Variants in CYTH1 observed in about 807,000 individuals in gnomAD.
CYTH1 encodes the protein cytohesin-1.
CYTH1 carries 18 observed loss-of-function variants against 61.8 expected under a neutral mutation model. That is an observed-to-expected ratio of 0.29 (90% confidence interval 0.20 to 0.43). The LOEUF (loss-of-function observed/expected upper bound fraction) is 0.43, where lower values mean the gene tolerates loss of function less well. CYTH1 is among the 20% of genes least tolerant of loss of function. The pLI is 1.00. For missense variants in CYTH1, 336 were observed against 510.5 expected (o/e 0.66, Z 3.29); for synonymous variants, 174 against 184.3 (o/e 0.94, Z 0.45).
intron 1 of CYTH1, among the ~76,000 whole-genome samples, chr17:78,756,079 A>AT (rs143186254): frequency 0.49 from 67,142 of 138,056 alleles, 16,548 homozygotes; most frequent in Non-Finnish European, 0.54. Flanking sequence ...ATTTATTTTT[A>AT]TTTTTTTTTT....
rs1234596010 is a variant in CYTH1, at chr17:78,760,511, A to C, written c.22+21691T>G. ...TATATATATATACATATATATGTAT[A>C]TATATGTATATATATATATACATAC... On this transcript the variant is annotated intron_variant, in intron 1 of 13. Coordinates refer to ENST00000446868, the MANE Select transcript of CYTH1 (RefSeq NM_004762.6). Among the ~76,000 whole-genome samples the C allele has an allele frequency of 4.2e-4, 21 of 50,476 alleles. 1 individual carries two copies. The highest frequency in any genetic ancestry group is 1.1e-3 in the South Asian group (2 of 1,778). The allele number at this position is 50,476 out of a possible 152,430, so 33.1% of individuals were successfully genotyped here. A position where few individuals can be genotyped will look rare whatever the true frequency, so the allele number is the denominator to read the frequency against.
chr17:78,744,239 A>G (rs1228003282), intron 1 of CYTH1, among the ~76,000 whole-genome samples: 2 of 152,148 alleles, frequency 1.3e-5, no homozygotes, highest in African/African-American at 4.8e-5. Flanking sequence ...TGGAGAGGAG[A>G]CCTGGAAATC....
At chr17:78,747,476 A>T (rs528587690) in intron 1 of CYTH1, among the ~76,000 whole-genome samples, 1 of 152,222 alleles carries the variant, frequency 6.6e-6, no homozygotes, top group South Asian at 2.1e-4. Context: ...CTATTCAGTG[A>T]TTTTAGCATG....
intron 1 of CYTH1, among the ~76,000 whole-genome samples, chr17:78,733,486 T>C (rs533902890): frequency 1.3e-5 from 2 of 152,284 alleles, no homozygotes; most frequent in African/African-American, 4.8e-5. Flanking sequence ...AATACACAGA[T>C]TCACTTCAGC....
chr17:78,770,663 T>G (rs547399090), intron 1 of CYTH1, among the ~76,000 whole-genome samples: 3 of 152,238 alleles, frequency 2.0e-5, no homozygotes, highest in African/African-American at 7.2e-5. Flanking sequence ...GTGATCCGCC[T>G]GCCTCGGCCT....
chr17:78,740,544 A>G (rs902181548), intron 1 of CYTH1, among the ~76,000 whole-genome samples: 61 of 152,222 alleles, frequency 4.0e-4, no homozygotes, highest in African/African-American at 1.3e-3. Flanking sequence ...GAAGCATGGC[A>G]AGGCATACCT....
In CYTH1 at chr17:78,675,732, G is replaced by T; in HGVS notation, c.*359C>A. 1 of 590,164 alleles carries T rather than the reference G, an allele frequency of 1.7e-6. No homozygotes were observed. The highest frequency in any genetic ancestry group is 2.8e-6 in the Non-Finnish European group (1 of 354,158). The allele number at this position is 590,164 out of a possible 1,614,324, so 36.6% of individuals were successfully genotyped here. The stretch of plus-strand genomic sequence containing the variant: ...TATGGACACATGTATTTATGGTGCA[G>T]GGTTTGAAGGCTTCTTCACGGGGAC... On this transcript the variant is annotated 3_prime_UTR_variant, in exon 14 of 14. Coordinates refer to ENST00000446868, the MANE Select transcript of CYTH1 (RefSeq NM_004762.6).
intron 1 of CYTH1, among the ~76,000 whole-genome samples, chr17:78,740,309 C>A (rs762258003): frequency 9.9e-5 from 15 of 152,176 alleles, no homozygotes; most frequent in Non-Finnish European, 1.9e-4. Flanking sequence ...GCCTTAAAGG[C>A]CCCATCATTC....
chr17:78,779,461 C>T (rs952890923), intron 1 of CYTH1, among the ~76,000 whole-genome samples: 18 of 151,110 alleles, frequency 1.2e-4, no homozygotes, highest in African/African-American at 4.1e-4. Context: ...TTCTCATCTT[C>T]GTGTGTGGCA....
chr17:78,732,068 G>A (rs768903145), intron 1 of CYTH1, among the ~76,000 whole-genome samples: 1 of 152,130 alleles, frequency 6.6e-6, no homozygotes, highest in Non-Finnish European at 1.5e-5. Flanking sequence ...GTTTCCTAGG[G>A]CCACTCCTGC....
chr17:78,741,768 G>A (rs974184983), intron 1 of CYTH1, among the ~76,000 whole-genome samples: 4 of 152,148 alleles, frequency 2.6e-5, no homozygotes, highest in African/African-American at 4.8e-5. Flanking sequence ...TCACCCTTGC[G>A]TCTCCTGGTC....
chr17:78,702,442 C>A, intron 4 of CYTH1, 96 bp downstream of exon 4: 1 of 1,348,464 alleles, frequency 7.4e-7, no homozygotes, highest in Non-Finnish European at 1.0e-6. Flanking sequence ...GCAACATGAA[C>A]TGTAACGCTT....
In CYTH1 at chr17:78,676,076, C is replaced by T; in HGVS notation, c.*15G>A. On this transcript the variant is annotated 3_prime_UTR_variant, in exon 14 of 14. Transcript: ENST00000446868. Reference sequence around the variant, plus strand: ...GCTCCAAGGCCCCCGCAGACCAACGCCCTTGGCTGCACGCTCAGTGTCGCT... The same window carrying T: ...GCTCCAAGGCCCCCGCAGACCAACGTCCTTGGCTGCACGCTCAGTGTCGCT... 6.2e-7 allele frequency: 1 copy of T among 1,601,290 alleles called. No individual in the cohort carries two copies.
At chr17:78,732,298 C>G (rs2093299290) in intron 1 of CYTH1, among the ~76,000 whole-genome samples, 1 of 152,224 alleles carries the variant, frequency 6.6e-6, no homozygotes, top group Non-Finnish European at 1.5e-5. Context: ...TGATCCCCCA[C>G]AGCCAGTCCT....
At chr17:78,779,934 C>T (rs1228124351) in intron 1 of CYTH1, among the ~76,000 whole-genome samples, 1 of 152,236 alleles carries the variant, frequency 6.6e-6, no homozygotes, top group Non-Finnish European at 1.5e-5. Flanking sequence ...CCTGCTTCCA[C>T]TTACCTCTTT....
At position 78,720,430 on chromosome 17, in the gene CYTH1, T is replaced by G. The variant is rs141045862; in HGVS notation, c.23-10698A>C. On this transcript the variant is annotated intron_variant, in intron 1 of 13. Transcript: ENST00000446868. ...GCCTCCTGGGTTCATGCAATTCTCCTGCCTCAGCCTCCCCAATAGATAGGA... is the reference window on the plus strand; with the variant it reads ...GCCTCCTGGGTTCATGCAATTCTCCGGCCTCAGCCTCCCCAATAGATAGGA... Among the ~76,000 whole-genome samples the G allele has an allele frequency of 3.9e-3, 590 of 152,300 alleles. 3 individuals carry two copies. Among genetic ancestry groups the G allele is most frequent in the African/African-American group, 0.013 (554 of 41,576 alleles).
At chr17:78,687,538 T>C (rs1022832875) in intron 11 of CYTH1, among the ~76,000 whole-genome samples, 3 of 152,242 alleles carry the variant, frequency 2.0e-5, no homozygotes, top group African/African-American at 7.2e-5. Context: ...GATCCATTCC[T>C]TTCCAGTTCA....
At position 78,680,272 on chromosome 17, in the gene CYTH1, G is replaced by T. The variant is rs1210444438; in HGVS notation, c.1036C>A (p.Arg346=). The change falls in exon 13 of 14, where the codon CGG becomes AGG. Residue 346 remains arginine (R), a synonymous_variant. Transcript: ENST00000446868. ...IKACKTEADG[R]VVEGNHTVYR... ...ACAGTGTGGTTCCCCTCCACCACCCGCCCGTCAGCCTCGGTCTTGCAGGCC... is the reference window on the plus strand; with the variant it reads ...ACAGTGTGGTTCCCCTCCACCACCCTCCCGTCAGCCTCGGTCTTGCAGGCC... 6.2e-7 allele frequency: 1 copy of T among 1,614,100 alleles called. No homozygotes were observed. Among genetic ancestry groups the T allele is most frequent in the Non-Finnish European group, 8.5e-7 (1 of 1,180,006 alleles).
At chr17:78,764,475 T>TC (rs1223744005) in intron 1 of CYTH1, among the ~76,000 whole-genome samples, 7 of 152,118 alleles carry the variant, frequency 4.6e-5, no homozygotes, top group African/African-American at 1.7e-4. Context: ...TGTCCCTTTT[T>TC]CAAGATTTGT....
Sources: allele counts gnomAD v4.1 joint callset (sites outside exome capture counted in the v4.1 genomes callset), GRCh38; gene constraint gnomAD v4.1.1; transcripts MANE v1.5; gene names NCBI Gene and HGNC (gene_info 2026-07-23, HGNC 2026-07-21).